The following DPAGT1 variants were observed in gnomAD, a reference collection of about 807,000 sequenced individuals.
DPAGT1 encodes UDP-N-acetylglucosamine--dolichyl-phosphate N-acetylglucosaminephosphotransferase.
DPAGT1 carries 25 observed loss-of-function variants against 39.3 expected under a neutral mutation model. The observed-to-expected ratio is 0.64, with a 90% CI of 0.46 to 0.89. The LOEUF is 0.89. DPAGT1 is among the 40% of genes least tolerant of loss of function. The pLI is 0.00. For synonymous variants in DPAGT1, 193 were observed against 201.4 expected (o/e 0.96, Z 0.36); for missense variants, 381 against 500.6 (o/e 0.76, Z 2.28).
rs1362955890 is a variant in DPAGT1, at chr11:119,101,557, C to A, written c.99G>T (p.Arg33=). 6.2e-7 allele frequency: 1 copy of A among 1,614,256 alleles called. No homozygotes were observed. The highest frequency in any genetic ancestry group is 1.7e-5 in the Admixed American group (1 of 60,030). The change falls in exon 1 of 9, where the codon CGG becomes CGT. Residue 33 remains arginine (R), a synonymous_variant. Coordinates refer to ENST00000354202, the MANE Select transcript of DPAGT1 (RefSeq NM_001382.4). ...VATVTLIPAF[R]GHFIAARLCG... ...AGAGGCGCGCAGCAATGAAGTGGCC[C>A]CGGAAGGCCGGGATGAGGGTGACTG... is the stretch of plus-strand genomic sequence containing the variant.
rs192269738 is a variant in DPAGT1, at chr11:119,098,497, C to T, written c.644-10G>A. On this transcript the variant is annotated splice_polypyrimidine_tract_variant and intron_variant, in intron 4 of 8. Transcript: ENST00000354202. Reference sequence around the variant, plus strand: ...TCATCCCGACAATCACCTTTGGAAGCAAGGAAGAAAGAAGGAAAAGTTAAT... The same window carrying T: ...TCATCCCGACAATCACCTTTGGAAGTAAGGAAGAAAGAAGGAAAAGTTAAT... 69 of 1,613,950 alleles carry T rather than the reference C, an allele frequency of 4.3e-5. No individual in the cohort carries two copies. The Admixed American group carries it at 1.1e-3, about 26-fold the overall frequency.
downstream of DPAGT1, chr11:119,094,888 G>T: frequency 7.1e-7 from 1 of 1,403,160 alleles, no homozygotes; most frequent in South Asian, 1.4e-5. Flanking sequence ...CTTTCCATGA[G>T]GGCGGTGGTG....
chr11:119,095,382 C>T (rs1321539609), downstream of DPAGT1: 1 of 1,564,816 alleles, frequency 6.4e-7, no homozygotes, highest in Non-Finnish European at 8.6e-7. Flanking sequence ...CCAGTCTTGC[C>T]GCGGCCCGAC....
chr11:119,096,811 C>T lies in DPAGT1; in HGVS notation c.*187G>A. 1 of 702,070 alleles carries T rather than the reference C, an allele frequency of 1.4e-6. No individual in the cohort carries two copies. Among genetic ancestry groups the T allele is most frequent in the Non-Finnish European group, 2.5e-6 (1 of 406,692 alleles). 43.5% of individuals were successfully genotyped at this position (702,070 alleles called of 1,614,324 possible). ...CCATAGGTAAAATCCAATCAGTAGT[C>T]AGCAGAGGGCAAGAAACGCCCAGGA... On this transcript the variant is annotated 3_prime_UTR_variant, in exon 9 of 9. Coordinates refer to ENST00000354202, the MANE Select transcript of DPAGT1 (RefSeq NM_001382.4).
At chr11:119,098,881 G>A (rs905389369) in intron 4 of DPAGT1, among the ~76,000 whole-genome samples, 4 of 152,156 alleles carry the variant, frequency 2.6e-5, no homozygotes, top group Non-Finnish European at 4.4e-5. Flanking sequence ...TGTTTAAAAA[G>A]TACTTAGCTT....
chr11:119,097,001 G>T lies in DPAGT1; in HGVS notation c.1224C>A (p.Val408=). 6.2e-7 allele frequency: 1 copy of T among 1,614,172 alleles called. No individual in the cohort carries two copies. The highest frequency in any genetic ancestry group is 8.5e-7 in the Non-Finnish European group (1 of 1,180,026). Residue 408 remains valine (V), a synonymous_variant, in exon 9 of 9, where the codon GTC becomes GTA. Transcript: ENST00000354202. The surrounding 1 kb of genome is among the most constrained non-coding windows in gnomAD (Gnocchi z 4.6). ...RYQLVRLFYD[V] ...TAAAGGACAATGATCAAGGGACTCA[G>T]ACATCATAGAAGAGTCGAACGAGCT...
At position 119,096,621 on chromosome 11, in the gene DPAGT1, T is replaced by TGGA. The variant is rs1381591150; in HGVS notation, c.*376_*377insTCC. The stretch of plus-strand genomic sequence containing the variant: ...TCAAATGACATGTCACCGTGGAGCC[T>TGGA]GTGTTCCTAGCCCTGGCCCAAGTTC... On this transcript the variant is annotated 3_prime_UTR_variant, in exon 9 of 9. Transcript: ENST00000354202. The TGGA allele has an allele frequency of 2.7e-6, 1 of 373,336 alleles. No individual in the cohort carries two copies. Among genetic ancestry groups the TGGA allele is most frequent in the Non-Finnish European group, 5.0e-6 (1 of 200,446 alleles). 23.1% of individuals were successfully genotyped at this position (373,336 alleles called of 1,614,324 possible). A position where few individuals can be genotyped will look rare whatever the true frequency, so the allele number is the denominator to read the frequency against.
At position 119,101,641 on chromosome 11, in the gene DPAGT1, C is replaced by T; in HGVS notation, c.15G>A (p.Ser5=). 1 of 1,614,272 alleles carries T rather than the reference C, an allele frequency of 6.2e-7. No individual in the cohort carries two copies. The highest frequency in any genetic ancestry group is 1.7e-5 in the Admixed American group (1 of 60,036). Residue 5 remains serine (S), a synonymous_variant, in exon 1 of 9, where the codon TCG becomes TCA. Transcript: ENST00000354202. ...TGATCAGCAGCGGCATGGGCAATTC[C>T]GAGAAGGCCCACATGGTGACCGGTC... MWAF[S]ELPMPLLINL...
In DPAGT1 at chr11:119,101,092, GGAT is replaced by G. The variant is rs745569901; in HGVS notation, c.205_207del (p.Ile69del). 6.2e-7 allele frequency: 1 copy of G among 1,614,188 alleles called. No homozygotes were observed. The highest frequency in any genetic ancestry group is 1.1e-5 in the South Asian group (1 of 91,080). ...AAGGGGAAAGGGATGAAGCAGAAGA[GGAT>G]GATAAGGAAAACAGCACCGCTGATC... On this transcript the variant is annotated inframe_deletion, in exon 2 of 9. Transcript: ENST00000354202.
Position 119,098,031 on chromosome 11 carries a change from C to A in DPAGT1, c.741G>T (p.Arg247=). The change falls in exon 6 of 9, where the codon CGG becomes CGT. Residue 247 remains arginine (R), a synonymous_variant. Coordinates refer to ENST00000354202, the MANE Select transcript of DPAGT1 (RefSeq NM_001382.4). ...AACAGAAGGTATCTCCCACAAACAC[C>A]CGTGATGGGTACCTGTGTGGGGGAA... ...GLLYHNWYPS[R]VFVGDTFCYF... is the part of the protein sequence containing the mutation. 2 of 1,614,156 alleles carry A rather than the reference C, an allele frequency of 1.2e-6. No homozygotes were observed. Among genetic ancestry groups the A allele is most frequent in the South Asian group, 2.2e-5 (2 of 91,080 alleles).
downstream of DPAGT1, chr11:119,094,882 C>T: frequency 1.4e-6 from 2 of 1,380,542 alleles, no homozygotes; most frequent in East Asian, 2.4e-5. Context: ...TCAGCTCTTT[C>T]CATGAGGGCG....
In DPAGT1 at chr11:119,096,540, T is replaced by C. The variant is rs866115351; in HGVS notation, c.*458A>G. 4 of 232,060 alleles carry C rather than the reference T, an allele frequency of 1.7e-5. No homozygotes were observed. Among genetic ancestry groups the C allele is most frequent in the African/African-American group, 6.8e-5 (3 of 43,832 alleles). 14.4% of individuals were successfully genotyped at this position (232,060 alleles called of 1,614,324 possible). On this transcript the variant is annotated 3_prime_UTR_variant, in exon 9 of 9. Transcript: ENST00000354202. Reference sequence around the variant, plus strand: ...AAAAGACAACACTTTATTGTCTCCATTGAGAGCATGTGGCCCCCTGCTTAG... The same window carrying C: ...AAAAGACAACACTTTATTGTCTCCACTGAGAGCATGTGGCCCCCTGCTTAG...
chr11:119,101,533 G>A lies in DPAGT1; in HGVS notation c.123C>T (p.Leu41=). ...TGGTTTTGTTGAGGTCCTGACCACAGAGGCGCGCAGCAATGAAGTGGCCCC... is the reference window on the plus strand; with the variant it reads ...TGGTTTTGTTGAGGTCCTGACCACAAAGGCGCGCAGCAATGAAGTGGCCCC... ...AFRGHFIAAR[L]CGQDLNKTSR... Residue 41 remains leucine, a synonymous_variant, in exon 1 of 9, where the codon CTC becomes CTT. Transcript: ENST00000354202. 1.9e-6 allele frequency: 3 copies of A among 1,614,230 alleles called. No homozygotes were observed. The highest frequency in any genetic ancestry group is 3.3e-5 in the Admixed American group (2 of 60,030).
At chr11:119,094,769 G>T, downstream of DPAGT1, 1 of 594,366 alleles carries the variant, frequency 1.7e-6, no homozygotes, top group South Asian at 2.3e-5. Flanking sequence ...GGTGCGGGAC[G>T]GGAGCGGGGG....
chr11:119,100,551 A>T, intron 3 of DPAGT1, 79 bp downstream of exon 3: 1 of 1,600,036 alleles, frequency 6.2e-7, no homozygotes, highest in Admixed American at 1.7e-5. Context: ...AAAAAGGAAC[A>T]CTTGGAGGAG....
intron 4 of DPAGT1, among the ~76,000 whole-genome samples, chr11:119,099,606 T>C (rs999588771): frequency 6.7e-6 from 1 of 150,274 alleles, no homozygotes; most frequent in South Asian, 2.1e-4. Context: ...CTAGGCAACA[T>C]GGTGAAACCC....
downstream of DPAGT1, chr11:119,094,815 C>G (rs1413888511): frequency 1.2e-6 from 1 of 826,754 alleles, no homozygotes; most frequent in South Asian, 1.9e-5. Flanking sequence ...CGAAGGCGGG[C>G]GAGGGGAGGG....
rs1343568057 is a variant in DPAGT1 at position 119,097,660 on chromosome 11, C to G, written c.918-109G>C. On this transcript the variant is annotated intron_variant, in intron 6 of 8. Transcript: ENST00000354202. The surrounding 1 kb of genome is among the most constrained non-coding windows in gnomAD (Gnocchi z 4.6). ...GAGTCAACCTGAGATCTATTTCTGG[C>G]TCTGCTGCTTACTGTTATCAGAACC... is the stretch of plus-strand genomic sequence containing the variant. 1 of 1,454,030 alleles carries G rather than the reference C, an allele frequency of 6.9e-7. No individual in the cohort carries two copies. The highest frequency in any genetic ancestry group is 1.1e-5 in the South Asian group (1 of 87,740). The allele number at this position is 1,454,030 out of a possible 1,614,324, so 90.1% of individuals were successfully genotyped here.
At chr11:119,099,174 C>T (rs1187396694) in intron 4 of DPAGT1, among the ~76,000 whole-genome samples, 3 of 152,162 alleles carry the variant, frequency 2.0e-5, no homozygotes, top group Non-Finnish European at 4.4e-5. Context: ...CCTGTAATCC[C>T]AGCACTTTGG....
Sources: allele counts gnomAD v4.1 joint callset (sites outside exome capture counted in the v4.1 genomes callset), GRCh38; gene constraint gnomAD v4.1.1; non-coding constraint Gnocchi (gnomAD v3.1); transcripts MANE v1.5; gene names NCBI Gene and HGNC (gene_info 2026-07-23, HGNC 2026-07-21).